NXPE2: variants seen among roughly 807,000 people sequenced by gnomAD.
The protein encoded by NXPE2 is NXPE family member 2.
Under a neutral mutation model 34.4 loss-of-function variants are expected in NXPE2, and 34 were observed. The ratio of observed to expected loss-of-function variants is 0.99; its 90% CI spans 0.75 to 1.31. The LOEUF is 1.31. Ranked by LOEUF, NXPE2 falls within the 40% of genes most tolerant of loss-of-function variation. The pLI is 0.00. For missense variants in NXPE2, 649 were observed against 672.5 expected (o/e 0.97, Z 0.39); for synonymous variants, 235 against 231.3 (o/e 1.02, Z -0.15).
the NXPE2 span, among the ~76,000 whole-genome samples, chr11:114,532,824 T>C: frequency 3.9e-5 from 6 of 152,172 alleles, no homozygotes; most frequent in African/African-American, 1.2e-4. Context: ...TTCAGGGTTG[T>C]AAAAATGGTT....
At chr11:114,811,675 G>A in the NXPE2 span, among the ~76,000 whole-genome samples, 2 of 152,162 alleles carry the variant, frequency 1.3e-5, no homozygotes, top group African/African-American at 4.8e-5. Flanking sequence ...ACACTCAAGG[G>A]TGCTGAGAGG....
chr11:114,611,132 T>C, the NXPE2 span, among the ~76,000 whole-genome samples: 1 of 151,584 alleles, frequency 6.6e-6, no homozygotes. Flanking sequence ...TATTGCCTCA[T>C]GGGTCCTCAC....
the NXPE2 span, among the ~76,000 whole-genome samples, chr11:114,608,152 A>T: frequency 1.5e-4 from 21 of 142,174 alleles, 1 homozygote; most frequent in South Asian, 3.4e-3. Flanking sequence ...GGGTAACCAG[A>T]GTTACCCTGT....
downstream of NXPE2, among the ~76,000 whole-genome samples, chr11:114,711,456 C>T (rs1014791449): frequency 3.3e-5 from 5 of 152,204 alleles, no homozygotes; most frequent in African/African-American, 1.2e-4. Flanking sequence ...ACTCAAAAAT[C>T]AGTTGCATTT....
At chr11:114,610,046 G>A in the NXPE2 span, among the ~76,000 whole-genome samples, 306 of 150,806 alleles carry the variant, frequency 2.0e-3, no homozygotes, top group Non-Finnish European at 3.0e-3. Context: ...ACTTTTCCCC[G>A]GTGGATAATA....
chr11:114,641,252 AAAT>A, the NXPE2 span, among the ~76,000 whole-genome samples: 1 of 152,110 alleles, frequency 6.6e-6, no homozygotes, highest in South Asian at 2.1e-4. Flanking sequence ...TGGAGGAAAG[AAAT>A]AATAATATCA....
At chr11:114,784,012 C>T in the NXPE2 span, among the ~76,000 whole-genome samples, 1 of 152,174 alleles carries the variant, frequency 6.6e-6, no homozygotes, top group Non-Finnish European at 1.5e-5. Context: ...ATTAAGTGTG[C>T]CAGGCATGTT....
At chr11:114,670,249 A>G in the NXPE2 span, among the ~76,000 whole-genome samples, 3 of 152,210 alleles carry the variant, frequency 2.0e-5, no homozygotes, top group Admixed American at 2.0e-4. Context: ...AGAGAAATCA[A>G]AATAAGACAT....
At chr11:114,698,010 C>A in intron 2 of NXPE2, 35 bp from the exon 3 acceptor site, 1 of 1,439,484 alleles carries the variant, frequency 6.9e-7, no homozygotes, top group South Asian at 1.6e-5. Context: ...CTATTGTTTG[C>A]TGATGATATT....
the NXPE2 span, among the ~76,000 whole-genome samples, chr11:114,636,758 T>C: frequency 6.6e-6 from 1 of 152,106 alleles, no homozygotes; most frequent in Admixed American, 6.5e-5. Flanking sequence ...TCAGTTTCCA[T>C]GTAGTTGAGT....
At chr11:114,798,292 C>T in the NXPE2 span, among the ~76,000 whole-genome samples, 1 of 152,098 alleles carries the variant, frequency 6.6e-6, no homozygotes, top group African/African-American at 2.4e-5. Context: ...GCTACTGTCC[C>T]CAGGAAAATT....
At chr11:114,568,835 C>T in the NXPE2 span, among the ~76,000 whole-genome samples, 5 of 152,152 alleles carry the variant, frequency 3.3e-5, no homozygotes, top group South Asian at 8.3e-4. Flanking sequence ...TTATCATGAA[C>T]TGTGGAATAA....
At chr11:114,580,884 A>G in the NXPE2 span, among the ~76,000 whole-genome samples, 3 of 152,196 alleles carry the variant, frequency 2.0e-5, no homozygotes, top group Non-Finnish European at 4.4e-5. Context: ...TGAACCCCTC[A>G]GTCACTGGTT....
At chr11:114,604,861 C>G in the NXPE2 span, among the ~76,000 whole-genome samples, 5 of 149,404 alleles carry the variant, frequency 3.3e-5, no homozygotes, top group African/African-American at 1.2e-4. Context: ...CTGTTACCTG[C>G]TGGATAATAA....
At chr11:114,533,499 C>G in the NXPE2 span, among the ~76,000 whole-genome samples, 22 of 152,284 alleles carry the variant, frequency 1.4e-4, no homozygotes, top group Non-Finnish European at 2.8e-4. Flanking sequence ...TCGCCTCACC[C>G]GGGAAGCACA....
the NXPE2 span, among the ~76,000 whole-genome samples, chr11:114,479,738 T>C: frequency 1.3e-5 from 2 of 152,062 alleles, no homozygotes; most frequent in African/African-American, 4.8e-5. Context: ...GAGATGGCAA[T>C]TGGAGGGCAA....
chr11:114,491,666 C>A, the NXPE2 span, among the ~76,000 whole-genome samples: 1 of 152,104 alleles, frequency 6.6e-6, no homozygotes, highest in Non-Finnish European at 1.5e-5. Flanking sequence ...TGGGTATATA[C>A]CCAAAGGATT....
chr11:114,647,705 A>ATT, the NXPE2 span, among the ~76,000 whole-genome samples: 53 of 147,524 alleles, frequency 3.6e-4, no homozygotes, highest in Admixed American at 1.1e-3. Context: ...ATTTTATTTT[A>ATT]TTTTTTTTTT....
the NXPE2 span, among the ~76,000 whole-genome samples, chr11:114,722,473 A>G: frequency 0.085 from 12,970 of 152,128 alleles, 860 homozygotes; most frequent in East Asian, 0.33. Flanking sequence ...GCAACGTGAA[A>G]ATGAACTAAT....
Sources: gnomAD v4.1 joint callset for allele counts (sites outside exome capture counted in the v4.1 genomes callset) on GRCh38, gnomAD v4.1.1 for gene constraint, MANE v1.5 for transcripts, NCBI Gene and HGNC (gene_info 2026-07-23, HGNC 2026-07-21) for gene names.